The following CNTN6 variants were observed in gnomAD, a reference collection of about 807,000 sequenced individuals.
The protein encoded by CNTN6 is contactin 6.
In CNTN6, 137 loss-of-function variants were observed where a neutral mutation model predicts 122.8. That is an observed-to-expected ratio of 1.12 (90% CI 0.97 to 1.29). The LOEUF (loss-of-function observed/expected upper bound fraction) is 1.29, where lower values mean the gene tolerates loss of function less well. Ranked by LOEUF, CNTN6 falls within the 50% of genes most tolerant of loss-of-function variation. The pLI, the probability that CNTN6 is intolerant of heterozygous loss-of-function variation, is 0.00. For synonymous variants in CNTN6, 570 were observed against 426.0 expected, an observed-to-expected ratio of 1.34 and a Z score of -4.16; for missense variants, 1,634 against 1,223.4, an observed-to-expected ratio of 1.34 and a Z score of -5.01.
intron 5 of CNTN6, among the ~76,000 whole-genome samples, chr3:1,282,593 T>C (rs534295218): frequency 6.6e-6 from 1 of 152,200 alleles, no homozygotes; most frequent in Non-Finnish European, 1.5e-5. Flanking sequence ...AAAAATCTTA[T>C]CTGTAAAATA....
chr3:1,188,363 T>A (rs1253561971), intron 2 of CNTN6, among the ~76,000 whole-genome samples: 1 of 152,222 alleles, frequency 6.6e-6, no homozygotes, highest in Non-Finnish European at 1.5e-5. Flanking sequence ...TCAAAAACAT[T>A]GTACATTCAT....
In CNTN6 at chr3:1,403,772, T is replaced by C. The variant is rs1278481039; in HGVS notation, c.*354T>C. ...CTAGTTACCATAACTCACATGTACA[T>C]TTTTATGTATTCCAGACAATCACTT... On this transcript the variant is annotated 3_prime_UTR_variant, in exon 23 of 23. Coordinates refer to ENST00000446702, the MANE Select transcript of CNTN6 (RefSeq NM_001289080.2). 6.3e-6 allele frequency: 1 copy of C among 157,804 alleles called. No homozygotes were observed. The highest frequency in any genetic ancestry group is 1.4e-5 in the Non-Finnish European group (1 of 72,116). The allele number at this position is 157,804 out of a possible 1,614,324, so 9.8% of individuals were successfully genotyped here.
At chr3:1,139,443 A>T (rs764924847) in intron 1 of CNTN6, among the ~76,000 whole-genome samples, 5 of 152,162 alleles carry the variant, frequency 3.3e-5, no homozygotes, top group Non-Finnish European at 7.3e-5. Context: ...CATCATCTGT[A>T]TCAAGAGCCT....
At chr3:1,296,181 C>T (rs1192920062) in intron 6 of CNTN6, among the ~76,000 whole-genome samples, 6 of 152,106 alleles carry the variant, frequency 3.9e-5, no homozygotes, top group Middle Eastern at 3.2e-3. Flanking sequence ...GTTGCAGCTA[C>T]TTTTTAATGG....
chr3:1,259,860 TACAC>T (rs141236194), intron 4 of CNTN6, among the ~76,000 whole-genome samples: 10 of 152,132 alleles, frequency 6.6e-5, no homozygotes, highest in African/African-American at 1.2e-4. Context: ...ATTATATACA[TACAC>T]ACACATACAT....
chr3:1,161,807 T>C (rs1218887099), intron 2 of CNTN6, among the ~76,000 whole-genome samples: 1 of 150,106 alleles, frequency 6.7e-6, no homozygotes, highest in African/African-American at 2.5e-5. Flanking sequence ...CACACAAACA[T>C]ATATATGTTC....
rs1054904048 is a variant in CNTN6, at chr3:1,248,744, C to T, written c.358+20751C>T. Among the ~76,000 whole-genome samples, 23 of 151,954 alleles carry T rather than the reference C, an allele frequency of 1.5e-4. 1 individual carries two copies. Among genetic ancestry groups the T allele is most frequent in the Non-Finnish European group, 2.1e-4 (14 of 67,982 alleles). ...CTGATGCAGGAGGATCGCTTGAACC[C>T]GAGAGGCGGAGGTTGCAGTGAGCTG... On this transcript the variant is annotated intron_variant, in intron 4 of 22. Transcript: ENST00000446702.
chr3:1,401,138 T>A, intron 20 of CNTN6: 1 of 262,880 alleles, frequency 3.8e-6, no homozygotes, highest in Non-Finnish European at 7.1e-6. Context: ...ACCCTCTGTC[T>A]GTTTATATAT....
In CNTN6 at chr3:1,295,028, G is replaced by A. The variant is rs114997592; in HGVS notation, c.455-573G>A. 7.8e-3 allele frequency among the ~76,000 whole-genome samples: 1,192 copies of A among 152,248 alleles called. 16 individuals are homozygous for A. Among genetic ancestry groups the A allele is most frequent in the African/African-American group, 0.027 (1,130 of 41,544 alleles). On this transcript the variant is annotated intron_variant, in intron 5 of 22. Transcript: ENST00000446702. The stretch of plus-strand genomic sequence containing the variant: ...AGCACTTTGGGAGGCTAAGGCAGGA[G>A]AATGACTTGAGCTCAGGAGTTGGAG...
At chr3:1,102,312 A>G (rs75436824) in intron 1 of CNTN6, among the ~76,000 whole-genome samples, 4,418 of 152,296 alleles carry the variant, frequency 0.029, 227 homozygotes, top group African/African-American at 0.1. Context: ...GCTTTTAGTG[A>G]AAGAACATGA....
chr3:1,234,589 T>C (rs970012380), intron 4 of CNTN6, among the ~76,000 whole-genome samples: 3 of 152,176 alleles, frequency 2.0e-5, no homozygotes, highest in African/African-American at 4.8e-5. Context: ...AAAAATGCTT[T>C]TGGAAATTGT....
chr3:1,375,462 T>C (rs58644954), intron 16 of CNTN6, among the ~76,000 whole-genome samples: 15,787 of 152,174 alleles, frequency 0.1, 1,026 homozygotes, highest in Middle Eastern at 0.15. Context: ...AATATGGTTT[T>C]AGGCTTAAGT....
At chr3:1,210,476 T>C (rs1228995610) in intron 2 of CNTN6, among the ~76,000 whole-genome samples, 3 of 151,968 alleles carry the variant, frequency 2.0e-5, no homozygotes, top group Non-Finnish European at 4.4e-5. Context: ...AGAAAGATAT[T>C]AAGTGAGTTT....
Position 1,220,797 on chromosome 3 carries a change from C to A in CNTN6, c.166C>A (p.Pro56Thr). The stretch of plus-strand genomic sequence containing the variant: ...CCTGAATTGTGCTGCTAATGGTTAC[C>A]CTTCGCCTCATTATAGGTAAAATCC... The part of the protein sequence containing the change: ...VILNCAANGY[P>T]SPHYRWKQNG... The change falls in exon 3 of 23, where the codon CCT (proline) becomes ACT (threonine). Residue 56 changes from proline (P) to threonine (T), a missense_variant. Coordinates refer to ENST00000446702, the MANE Select transcript of CNTN6 (RefSeq NM_001289080.2). 1 of 1,604,860 alleles carries A rather than the reference C, an allele frequency of 6.2e-7. No homozygotes were observed. The highest frequency in any genetic ancestry group is 1.7e-5 in the Admixed American group (1 of 58,166).
chr3:1,328,921 G>A (rs1701896486), intron 10 of CNTN6, among the ~76,000 whole-genome samples: 1 of 151,368 alleles, frequency 6.6e-6, no homozygotes, highest in Middle Eastern at 3.4e-3. Context: ...ATATTTAGTG[G>A]GGAAAAAACC....
chr3:1,275,049 T>A (rs10510167), intron 4 of CNTN6, among the ~76,000 whole-genome samples: 17,285 of 152,208 alleles, frequency 0.11, 1,018 homozygotes, highest in Non-Finnish European at 0.12. Context: ...AGTCCATCTT[T>A]TACAAGCACA....
intron 3 of CNTN6, among the ~76,000 whole-genome samples, chr3:1,225,644 A>G (rs2094271577): frequency 6.6e-6 from 1 of 151,718 alleles, no homozygotes; most frequent in African/African-American, 2.4e-5. Flanking sequence ...CAAGGAGAAT[A>G]TTGGTGTCTT....
intron 2 of CNTN6, among the ~76,000 whole-genome samples, chr3:1,209,806 T>C (rs909696440): frequency 6.6e-6 from 1 of 152,150 alleles, no homozygotes; most frequent in African/African-American, 2.4e-5. Flanking sequence ...AATACAAGCA[T>C]TCCTCTTTTC....
chr3:1,200,251 C>A (rs1174541715), intron 2 of CNTN6, among the ~76,000 whole-genome samples: 1 of 152,176 alleles, frequency 6.6e-6, no homozygotes, highest in East Asian at 1.9e-4. Context: ...CCAGACTGGT[C>A]TCGAACTCCT....
Sources: allele counts gnomAD v4.1 joint callset (sites outside exome capture counted in the v4.1 genomes callset), GRCh38; gene constraint gnomAD v4.1.1; transcripts MANE v1.5; gene names NCBI Gene and HGNC (gene_info 2026-07-23, HGNC 2026-07-21).